The following ADCYAP1R1 variants were observed in gnomAD, a reference collection of about 807,000 sequenced individuals.
ADCYAP1R1 encodes pituitary adenylate cyclase-activating polypeptide type I receptor.
Under a neutral mutation model 67.6 loss-of-function variants are expected in ADCYAP1R1, and 44 were observed. That is an observed-to-expected ratio of 0.65 (90% confidence interval 0.51 to 0.84). The LOEUF is 0.84. ADCYAP1R1 is among the 40% of genes least tolerant of loss of function. The pLI, the probability that ADCYAP1R1 is intolerant of heterozygous loss-of-function variation, is 0.00. For synonymous variants in ADCYAP1R1, 222 were observed against 219.6 expected (o/e 1.01, Z -0.10); for missense variants, 477 against 587.9 (o/e 0.81, Z 1.95).
chr7:31,110,277 GGGACCAT>G lies in ADCYAP1R1; in HGVS notation c.*3597_*3603del, dbSNP rs1313247129. The G allele has an allele frequency of 2.0e-5, 3 of 151,960 alleles. No individual in the cohort carries two copies. The highest frequency in any genetic ancestry group is 4.8e-5 in the African/African-American group (2 of 41,358). The allele number at this position is 151,960 out of a possible 1,614,324, so 9.4% of individuals were successfully genotyped here. ...TGTCATAAAGTCCTCCTTGAGCCCA[GGGACCAT>G]GGAAGTCAGCTAGAAGAGCCCTGAG... is the stretch of plus-strand genomic sequence containing the variant. On this transcript the variant is annotated 3_prime_UTR_variant, in exon 16 of 16. Coordinates refer to ENST00000304166, the MANE Select transcript of ADCYAP1R1 (RefSeq NM_001118.5).
intron 5 of ADCYAP1R1, 121 bp downstream of exon 5, chr7:31,080,754 C>A (rs1053640785): frequency 3.9e-6 from 4 of 1,022,196 alleles, no homozygotes; most frequent in Admixed American, 2.0e-5. Flanking sequence ...AAGAGGCTCA[C>A]TGGGTATCAG....
At chr7:31,052,794 G>C (rs1214117771) in intron 1 of ADCYAP1R1, 116 bp downstream of exon 1, 1 of 152,282 alleles carries the variant, frequency 6.6e-6, no homozygotes, top group Admixed American at 6.5e-5. Context: ...GTCTCCGCCA[G>C]CCGCGACCTC....
At chr7:31,080,932 T>C (rs2128627784) in intron 5 of ADCYAP1R1, among the ~76,000 whole-genome samples, 1 of 152,340 alleles carries the variant, frequency 6.6e-6, no homozygotes, top group Non-Finnish European at 1.5e-5. Flanking sequence ...CGCATGAGTG[T>C]AGCTGCATAT....
intron 15 of ADCYAP1R1, 121 bp from the exon 16 acceptor site, chr7:31,106,375 G>C: frequency 8.2e-7 from 1 of 1,218,016 alleles, no homozygotes; most frequent in African/African-American, 1.6e-5. Context: ...GCTGCAACTG[G>C]GGAGTGGGGA....
intron 1 of ADCYAP1R1, among the ~76,000 whole-genome samples, chr7:31,058,414 C>T (rs951947942): frequency 5.9e-5 from 9 of 152,284 alleles, no homozygotes; most frequent in East Asian, 5.8e-4. Flanking sequence ...ACTCCAGGTT[C>T]GGTGGCTGGG....
chr7:31,100,334 G>T, intron 13 of ADCYAP1R1: 2 of 907,176 alleles, frequency 2.2e-6, no homozygotes, highest in South Asian at 3.0e-5. Flanking sequence ...ACCCATTCCC[G>T]GCTGTTGCAT....
In ADCYAP1R1 at chr7:31,095,755, G is replaced by T. The variant is rs541605577; in HGVS notation, c.1046+3020G>T. ...CCAGCATTCACTCCCTTTCCTGTAG[G>T]TTGGTTCCAGCTGCTCAGGTGATAA... On this transcript the variant is annotated intron_variant, in intron 13 of 15. Transcript: ENST00000304166. The T allele has an allele frequency of 2.6e-4, 190 of 717,914 alleles. 2 individuals are homozygous for T. The highest frequency in any genetic ancestry group is 2.2e-3 in the South Asian group (152 of 67,598). The allele number at this position is 717,914 out of a possible 1,614,324, so 44.5% of individuals were successfully genotyped here. A position where few individuals can be genotyped will look rare whatever the true frequency, so the allele number is the denominator to read the frequency against.
At chr7:31,089,156 G>C (rs778577447) in intron 12 of ADCYAP1R1, among the ~76,000 whole-genome samples, 1 of 151,972 alleles carries the variant, frequency 6.6e-6, no homozygotes, top group Non-Finnish European at 1.5e-5. Flanking sequence ...GGCTATTGCT[G>C]GTGTACAGGA....
rs552495508 is a variant in ADCYAP1R1 at position 31,091,078 on chromosome 7, T to C, written c.955-1566T>C. 2.6e-5 allele frequency among the ~76,000 whole-genome samples: 4 copies of C among 152,338 alleles called. No individual in the cohort carries two copies. In the South Asian group the frequency reaches 8.3e-4, roughly 32 times the overall value. The stretch of plus-strand genomic sequence containing the variant: ...CCTTTTCTCTGCTGCCTCCCCAGCA[T>C]CTGTTGTCTTTTGACTTTTTAGTAA... On this transcript the variant is annotated intron_variant, in intron 12 of 15. Transcript: ENST00000304166.
At chr7:31,067,457 C>CA (rs533666851) in intron 3 of ADCYAP1R1, among the ~76,000 whole-genome samples, 72 of 151,554 alleles carry the variant, frequency 4.8e-4, no homozygotes, top group Non-Finnish European at 7.8e-4. Flanking sequence ...GCCAGACCCT[C>CA]TATAGACTTC....
At chr7:31,106,375 G>T in intron 15 of ADCYAP1R1, 121 bp from the exon 16 acceptor site, 2 of 1,218,016 alleles carry the variant, frequency 1.6e-6, no homozygotes, top group South Asian at 1.6e-5. Context: ...GCTGCAACTG[G>T]GGAGTGGGGA....
intron 13 of ADCYAP1R1, among the ~76,000 whole-genome samples, chr7:31,101,907 G>A (rs1002892847): frequency 5.3e-5 from 8 of 152,206 alleles, no homozygotes; most frequent in African/African-American, 1.4e-4. Context: ...TGAGCAGGGC[G>A]GAAAGGGTGG....
intron 12 of ADCYAP1R1, among the ~76,000 whole-genome samples, chr7:31,089,990 G>C (rs764005701): frequency 2.6e-5 from 4 of 151,996 alleles, no homozygotes; most frequent in South Asian, 2.1e-4. Flanking sequence ...TCCTTATTCT[G>C]TTTTTGTAGC....
rs1482538226 is a variant in ADCYAP1R1, at chr7:31,109,089, A to C, written c.*2405A>C. 2.6e-5 allele frequency: 4 copies of C among 152,212 alleles called. No homozygotes were observed. The highest frequency in any genetic ancestry group is 5.9e-5 in the Non-Finnish European group (4 of 68,056). The allele number at this position is 152,212 out of a possible 1,614,324, so 9.4% of individuals were successfully genotyped here. On this transcript the variant is annotated 3_prime_UTR_variant, in exon 16 of 16. Coordinates refer to ENST00000304166, the MANE Select transcript of ADCYAP1R1 (RefSeq NM_001118.5). Reference sequence around the variant, plus strand: ...ACTTTGGCATTATAGAGACATCATCACAAAACAGTAAAAACAAAATCAACC... The same window carrying C: ...ACTTTGGCATTATAGAGACATCATCCCAAAACAGTAAAAACAAAATCAACC...
Position 31,106,635 on chromosome 7 carries a change from G to A in ADCYAP1R1, c.1358G>A (p.Ser453Asn). 1.9e-6 allele frequency: 3 copies of A among 1,613,366 alleles called. No homozygotes were observed. Among genetic ancestry groups the A allele is most frequent in the Non-Finnish European group, 2.5e-6 (3 of 1,179,612 alleles). Residue 453 changes from serine (S) to asparagine (N), a missense_variant, in exon 16 of 16, where the codon AGC (serine) becomes AAC (asparagine). Physicochemically the swap from Ser to Asn is conservative, Grantham distance 46. Transcript: ENST00000304166. Reference protein sequence around the residue: ...GTQLSILSKSSSQIRMSGLPA... With the variant: ...GTQLSILSKSNSQIRMSGLPA... ...CAGCTCTCCATCCTGAGCAAGAGCA[G>A]CTCCCAAATCCGCATGTCTGGCCTC...
intron 2 of ADCYAP1R1, among the ~76,000 whole-genome samples, chr7:31,064,344 G>A (rs1052062187): frequency 1.3e-5 from 2 of 152,196 alleles, no homozygotes; most frequent in African/African-American, 4.8e-5. Context: ...CCTCGTGGCT[G>A]CTAGAGTCAG....
chr7:31,076,329 A>G (rs1202185117), intron 3 of ADCYAP1R1, among the ~76,000 whole-genome samples: 2 of 152,142 alleles, frequency 1.3e-5, no homozygotes, highest in East Asian at 1.9e-4. Flanking sequence ...TTGTGGGAGG[A>G]CAGAGTCAGA....
intron 13 of ADCYAP1R1, 75 bp from the exon 14 acceptor site, chr7:31,103,162 A>T: frequency 3.8e-6 from 6 of 1,566,738 alleles, no homozygotes; most frequent in Non-Finnish European, 5.2e-6. Flanking sequence ...ACTGGGGCTG[A>T]GTTCTCTGCC....
chr7:31,068,239 G>A (rs1179302822), intron 3 of ADCYAP1R1, among the ~76,000 whole-genome samples: 1 of 142,060 alleles, frequency 7.0e-6, no homozygotes, highest in African/African-American at 2.8e-5. Flanking sequence ...ACACACACAC[G>A]TACAAGAACG....
Sources: gnomAD v4.1 joint callset for allele counts (sites outside exome capture counted in the v4.1 genomes callset) on GRCh38, gnomAD v4.1.1 for gene constraint, MANE v1.5 for transcripts, NCBI Gene and HGNC (gene_info 2026-07-23, HGNC 2026-07-21) for gene names.